CEP350: variants seen among roughly 807,000 people sequenced by gnomAD.
The protein encoded by CEP350 is centrosome-associated protein 350.
Under a neutral mutation model 331.8 loss-of-function variants are expected in CEP350, and 126 were observed. The ratio of observed to expected loss-of-function variants is 0.38; its 90% confidence interval spans 0.33 to 0.44. The LOEUF is 0.44. CEP350 is among the 20% of genes least tolerant of loss of function. The pLI is 1.00. For synonymous variants in CEP350, 1,200 were observed against 1,259.5 expected, an observed-to-expected ratio of 0.95 and a Z score of 1.00; for missense variants, 3,406 against 3,634.6, an observed-to-expected ratio of 0.94 and a Z score of 1.62.
At chr1:179,969,117 C>G (rs919977075) in intron 1 of CEP350, 17 of 666,408 alleles carry the variant, frequency 2.6e-5, no homozygotes, top group Non-Finnish European at 4.8e-5. Flanking sequence ...ATTGCCATCC[C>G]GTGCAACAAT....
chr1:180,040,495 C>G (rs899278886), intron 17 of CEP350, among the ~76,000 whole-genome samples: 31 of 151,842 alleles, frequency 2.0e-4, no homozygotes, highest in Non-Finnish European at 4.4e-4. Flanking sequence ...ACTCTGTTGA[C>G]CAGGCTGATC....
Position 180,031,407 on chromosome 1 carries a change from G to A in CEP350, c.3638G>A (p.Gly1213Glu), listed in dbSNP as rs12125245. The A allele has an allele frequency of 1.9e-6, 3 of 1,605,752 alleles. No homozygotes were observed. The highest frequency in any genetic ancestry group is 2.7e-5 in the African/African-American group (2 of 74,540). Residue 1213 changes from glycine to glutamate, a missense_variant, in exon 15 of 38, where the codon GGG becomes GAG. Coordinates refer to ENST00000367607, the MANE Select transcript of CEP350 (RefSeq NM_014810.5). ...ERGSHQGKKSGTSSKLSVKDF... is the reference protein window; with the variant it reads ...ERGSHQGKKSETSSKLSVKDF... Reference sequence around the variant, plus strand: ...GGCTCCCATCAAGGAAAGAAATCTGGGACCAGCAGCAAACTTTCTGTTAAA... The same window carrying A: ...GGCTCCCATCAAGGAAAGAAATCTGAGACCAGCAGCAAACTTTCTGTTAAA...
intron 10 of CEP350, among the ~76,000 whole-genome samples, chr1:180,014,805 C>T (rs1197534711): frequency 2.0e-5 from 3 of 152,172 alleles, no homozygotes; most frequent in Non-Finnish European, 4.4e-5. Flanking sequence ...GACCTTTGAA[C>T]GATGTGGGGG....
In CEP350 at chr1:179,990,622, G is replaced by A; in HGVS notation, c.235+1G>A. ...GCTACTCGAAAAATAAGTAGAAAAG[G>A]TATGTATGAAGTTACTTCCAAATAT... On this transcript the variant is annotated splice_donor_variant, in intron 4 of 37. Transcript: ENST00000367607. LOFTEE classifies it high-confidence loss of function. 1.3e-6 allele frequency: 2 copies of A among 1,519,696 alleles called. No homozygotes were observed. The highest frequency in any genetic ancestry group is 1.8e-6 in the Non-Finnish European group (2 of 1,109,318). The allele number at this position is 1,519,696 out of a possible 1,614,324, so 94.1% of individuals were successfully genotyped here. A position where few individuals can be genotyped will look rare whatever the true frequency, so the allele number is the denominator to read the frequency against.
Position 180,104,297 on chromosome 1 carries a change from CAGG to C in CEP350, c.9189+5315_9189+5317del, listed in dbSNP as rs544094791. Among the ~76,000 whole-genome samples, 52 of 151,728 alleles carry C rather than the reference CAGG, an allele frequency of 3.4e-4. 2 individuals are homozygous for C. In the South Asian group the frequency reaches 0.01, roughly 30 times the overall value. ...ATTTGGATATTGTAGTTCAAAAGAGCAGGAGAAGACAGTGGTTAATATTTTGGA... is the reference window on the plus strand; with the variant it reads ...ATTTGGATATTGTAGTTCAAAAGAGCAGAAGACAGTGGTTAATATTTTGGA... On this transcript the variant is annotated intron_variant, in intron 37 of 37. Transcript: ENST00000367607.
At chr1:179,962,321 A>G (rs560992833) in intron 1 of CEP350, among the ~76,000 whole-genome samples, 2 of 152,226 alleles carry the variant, frequency 1.3e-5, no homozygotes, top group South Asian at 4.1e-4. Flanking sequence ...AAAGGACATG[A>G]TTTCATTCAT....
At chr1:179,959,320 G>C (rs1441506220) in intron 1 of CEP350, among the ~76,000 whole-genome samples, 3 of 152,256 alleles carry the variant, frequency 2.0e-5, no homozygotes, top group Non-Finnish European at 2.9e-5. Context: ...GCAAGGCGTG[G>C]TGGCAGGCCT....
intron 26 of CEP350, 48 bp downstream of exon 26, chr1:180,062,414 C>A: frequency 6.6e-7 from 1 of 1,517,984 alleles, no homozygotes; most frequent in South Asian, 1.3e-5. Context: ...TTTTGATTGT[C>A]GGTATCTAAC....
At chr1:180,035,185 C>T (rs1215002468) in intron 16 of CEP350, among the ~76,000 whole-genome samples, 1 of 152,092 alleles carries the variant, frequency 6.6e-6, no homozygotes, top group Non-Finnish European at 1.5e-5. Context: ...TTGTGAAGCC[C>T]TAGAGAGGTG....
At position 180,020,612 on chromosome 1, in the gene CEP350, G is replaced by A. The variant is rs1655263842; in HGVS notation, c.2838G>A (p.Gly946=). 1.2e-6 allele frequency: 2 copies of A among 1,613,912 alleles called. No individual in the cohort carries two copies. Among genetic ancestry groups the A allele is most frequent in the African/African-American group, 1.3e-5 (1 of 75,006 alleles). Residue 946 remains glycine (G), a synonymous_variant, in exon 12 of 38, where the codon GGG becomes GGA. Transcript: ENST00000367607. ...GATCCCCTGGTCCCAAACCAGAAGG[G>A]CTACTGGCACAGTTATGTAAAAGGC... is the stretch of plus-strand genomic sequence containing the variant. ...RVRSPGPKPE[G]LLAQLCKRQT...
intron 14 of CEP350, among the ~76,000 whole-genome samples, chr1:180,026,506 T>A (rs1475483235): frequency 1.3e-5 from 2 of 152,188 alleles, no homozygotes; most frequent in Non-Finnish European, 2.9e-5. Context: ...TTTTCAAATA[T>A]ACAGTTCAGT....
In CEP350 at chr1:180,020,321, C is replaced by A. The variant is rs1338298724; in HGVS notation, c.2547C>A (p.Ala849=). 9.3e-6 allele frequency: 15 copies of A among 1,613,752 alleles called. No homozygotes were observed. The highest frequency in any genetic ancestry group is 1.3e-5 in the Non-Finnish European group (15 of 1,179,890). ...GTGAAGCCAAGAAATTAGCTGGGGC[C>A]AGCATTAACTATGGGTCAGCATGGA... ...IESEAKKLAG[A]SINYGSAWNT... is the part of the protein sequence containing the mutation. Residue 849 remains alanine, a synonymous_variant, in exon 12 of 38, where the codon GCC becomes GCA. Transcript: ENST00000367607.
chr1:179,961,672 G>A (rs1343118762), intron 1 of CEP350, among the ~76,000 whole-genome samples: 2 of 152,140 alleles, frequency 1.3e-5, no homozygotes, highest in Non-Finnish European at 2.9e-5. Context: ...AGTTATAAAT[G>A]AAGTTAGACT....
Position 180,036,961 on chromosome 1 carries a change from C to T in CEP350, c.3982C>T (p.Arg1328Cys), listed in dbSNP as rs750054456. ...KRFSPAGLHHRMAAELSYLNA... is the reference protein window; with the variant it reads ...KRFSPAGLHHCMAAELSYLNA... Reference sequence around the variant, plus strand: ...CTTTTCTCCTGCTGGCCTCCATCATCGTATGGCAGCAGAACTCAGTTATCT... The same window carrying T: ...CTTTTCTCCTGCTGGCCTCCATCATTGTATGGCAGCAGAACTCAGTTATCT... Residue 1328 changes from arginine to cysteine, a missense_variant, in exon 17 of 38, where the codon CGT becomes TGT. By Grantham distance (180) the Arg-to-Cys change is radical. Around this residue, in one of 5 missense-constraint regions of CEP350, gnomAD observed 1,857 missense variants for 1,909.2 expected, o/e 0.97. Coordinates refer to ENST00000367607, the MANE Select transcript of CEP350 (RefSeq NM_014810.5). 1.5e-5 allele frequency: 24 copies of T among 1,588,432 alleles called. No homozygotes were observed. The highest frequency in any genetic ancestry group is 5.4e-5 in the Admixed American group (3 of 55,684).
At chr1:180,059,437 A>G (rs565341362) in intron 25 of CEP350, among the ~76,000 whole-genome samples, 5 of 152,174 alleles carry the variant, frequency 3.3e-5, no homozygotes, top group Non-Finnish European at 7.4e-5. Flanking sequence ...AAAAAAAGCA[A>G]GTTTCATTTA....
rs1319992450 is a variant in CEP350 at position 180,113,659 on chromosome 1, G to T, written c.*2498G>T. 3 of 152,118 alleles carry T rather than the reference G, an allele frequency of 2.0e-5. No homozygotes were observed. The highest frequency in any genetic ancestry group is 6.5e-5 in the Admixed American group (1 of 15,268). The allele number at this position is 152,118 out of a possible 1,614,324, so 9.4% of individuals were successfully genotyped here. On this transcript the variant is annotated 3_prime_UTR_variant, in exon 38 of 38. Coordinates refer to ENST00000367607, the MANE Select transcript of CEP350 (RefSeq NM_014810.5). ...TGGCTTTATTCTTAGGATTAAGAAA[G>T]ATAGATGTGGATACCCAGCCACTCG...
intron 37 of CEP350, among the ~76,000 whole-genome samples, chr1:180,099,904 A>G (rs532590731): frequency 2.6e-5 from 4 of 151,056 alleles, no homozygotes; most frequent in South Asian, 2.1e-4. Flanking sequence ...TCATGCCTCA[A>G]CCTCCCGAGT....
chr1:180,076,584 T>G (rs773974455), intron 28 of CEP350, among the ~76,000 whole-genome samples: 9 of 151,736 alleles, frequency 5.9e-5, no homozygotes, highest in Non-Finnish European at 8.8e-5. Flanking sequence ...AACCCAGGAG[T>G]TTGAGACCAG....
rs111901657 is a variant in CEP350, at chr1:179,957,016, T to A, written c.-14+1874T>A. ...ATGATCGTCAGTTCTTTAAAAACAT[T>A]AGTATTTTTATAACGTTTTGTTAAT... On this transcript the variant is annotated intron_variant, in intron 1 of 37. Transcript: ENST00000367607. Among the ~76,000 whole-genome samples the A allele has an allele frequency of 4.7e-3, 704 of 151,278 alleles. 8 individuals carry two copies. The highest frequency in any genetic ancestry group is 0.016 in the African/African-American group (652 of 41,526).
Sources: allele counts gnomAD v4.1 joint callset (sites outside exome capture counted in the v4.1 genomes callset), GRCh38; gene constraint gnomAD v4.1.1; regional missense constraint gnomAD v4.1.1; transcripts MANE v1.5; gene names NCBI Gene and HGNC (gene_info 2026-07-23, HGNC 2026-07-21).